The following SPSB4 variants were observed in gnomAD, a reference collection of about 807,000 sequenced individuals.
SPSB4 encodes the protein splA/ryanodine receptor domain and SOCS box containing 4, also known as SPRY domain-containing SOCS box protein 4.
Under a neutral mutation model 20.9 loss-of-function variants are expected in SPSB4, and 21 were observed. That is an observed-to-expected ratio of 1.01 (90% CI 0.71 to 1.45). The LOEUF is 1.45. SPSB4 is among the 40% of genes most tolerant of loss of function. SPSB4 has a pLI of 0.00. For synonymous variants in SPSB4, 207 were observed against 183.8 expected, an observed-to-expected ratio of 1.13 and a Z score of -1.02; for missense variants, 399 against 399.2, an observed-to-expected ratio of 1.00 and a Z score of 0.00.
intron 2 of SPSB4, among the ~76,000 whole-genome samples, chr3:141,145,390 G>T (rs1381261199): frequency 5.9e-5 from 9 of 151,954 alleles, no homozygotes; most frequent in African/African-American, 2.2e-4. Flanking sequence ...AATTTTAATG[G>T]CTCCCCTTAT....
chr3:141,135,394 G>A (rs533582418), intron 2 of SPSB4, among the ~76,000 whole-genome samples: 63 of 150,364 alleles, frequency 4.2e-4, no homozygotes, highest in Non-Finnish European at 5.2e-4. Flanking sequence ...TGTGCACAAC[G>A]TGCAGGTTTG....
chr3:141,128,331 G>C (rs1223832914), intron 2 of SPSB4, among the ~76,000 whole-genome samples: 1 of 152,184 alleles, frequency 6.6e-6, no homozygotes, highest in African/African-American at 2.4e-5. Context: ...GGGCGTGACA[G>C]GTGTGGGTGG....
chr3:141,101,037 G>A (rs1333293659), intron 2 of SPSB4, among the ~76,000 whole-genome samples: 1 of 152,190 alleles, frequency 6.6e-6, no homozygotes, highest in Non-Finnish European at 1.5e-5. Context: ...GCAGAGGGCT[G>A]GGTCCCCCTG....
At chr3:141,104,370 GTAGA>G (rs1197622273) in intron 2 of SPSB4, among the ~76,000 whole-genome samples, 2 of 152,190 alleles carry the variant, frequency 1.3e-5, no homozygotes, top group African/African-American at 4.8e-5. Flanking sequence ...AAGTTTGTGG[GTAGA>G]TTCCTTGAGG....
chr3:141,076,126 T>C (rs1938105024), intron 2 of SPSB4, among the ~76,000 whole-genome samples: 1 of 152,204 alleles, frequency 6.6e-6, no homozygotes, highest in Non-Finnish European at 1.5e-5. Context: ...TGTGTTGCCC[T>C]CTTTGTTGGA....
In SPSB4 at chr3:141,066,777, C is replaced by CCGTGTGGG. The variant is rs1937894736; in HGVS notation, c.673_674insCGTGTGGG (p.Arg225ProfsTer16). ...GTGGGGCCACTGTGAAGTCACCATG[C>CCGTGTGGG]GCTACATCAACGGCCTTGACCGTAA... On this transcript the variant is annotated frameshift_variant, in exon 2 of 3. Coordinates refer to ENST00000310546, the MANE Select transcript of SPSB4 (RefSeq NM_080862.3). LOFTEE classifies it high-confidence loss of function. 2 of 1,561,040 alleles carry CCGTGTGGG rather than the reference C, an allele frequency of 1.3e-6. No individual in the cohort carries two copies.
At chr3:141,107,862 C>T (rs569506071) in intron 2 of SPSB4, among the ~76,000 whole-genome samples, 4 of 151,780 alleles carry the variant, frequency 2.6e-5, no homozygotes, top group African/African-American at 7.3e-5. Context: ...GGCTGAGGCA[C>T]GAACATCACT....
At chr3:141,125,699 G>T (rs900490660) in intron 2 of SPSB4, among the ~76,000 whole-genome samples, 4 of 152,160 alleles carry the variant, frequency 2.6e-5, no homozygotes, top group Non-Finnish European at 4.4e-5. Flanking sequence ...CCTGCCCAGG[G>T]TTGTCTCTGC....
chr3:141,109,556 A>G (rs1446029443), intron 2 of SPSB4, among the ~76,000 whole-genome samples: 2 of 152,004 alleles, frequency 1.3e-5, no homozygotes, highest in African/African-American at 4.8e-5. Context: ...GCCATTTTTC[A>G]TAGCCATTAC....
intron 2 of SPSB4, among the ~76,000 whole-genome samples, chr3:141,107,230 C>T (rs925698810): frequency 2.0e-5 from 3 of 152,194 alleles, no homozygotes; most frequent in African/African-American, 7.2e-5. Flanking sequence ...GGAGGCAAAA[C>T]CATCAGAAAT....
At chr3:141,081,036 G>A (rs75422081) in intron 2 of SPSB4, among the ~76,000 whole-genome samples, 1,669 of 152,254 alleles carry the variant, frequency 0.011, 30 homozygotes, top group African/African-American at 0.038. Context: ...TGGATAAGAT[G>A]ACCTCAAGTG....
intron 2 of SPSB4, among the ~76,000 whole-genome samples, chr3:141,078,130 A>G (rs1205651183): frequency 6.6e-6 from 1 of 152,214 alleles, no homozygotes; most frequent in East Asian, 1.9e-4. Flanking sequence ...AGGTGCAGGC[A>G]GAGGCTCCCA....
rs1196317129 is a variant in SPSB4 at position 141,147,507 on chromosome 3, A to G, written c.*238A>G. The stretch of plus-strand genomic sequence containing the variant: ...AGTCAGACACCTCCTTCGGAGCCAC[A>G]GAGAGCCTGGAGTCTGCACCTCCTG... On this transcript the variant is annotated 3_prime_UTR_variant, in exon 3 of 3. Transcript: ENST00000310546. The G allele has an allele frequency of 7.1e-6, 4 of 564,464 alleles. No individual in the cohort carries two copies. The highest frequency in any genetic ancestry group is 1.2e-5 in the Non-Finnish European group (4 of 330,150). 35.0% of individuals were successfully genotyped at this position (564,464 alleles called of 1,614,324 possible).
chr3:141,135,638 CA>C (rs1939214986), intron 2 of SPSB4, among the ~76,000 whole-genome samples: 1 of 151,992 alleles, frequency 6.6e-6, no homozygotes, highest in African/African-American at 2.4e-5. Flanking sequence ...TGATGGTTTC[CA>C]GCTTCATCCA....
intron 1 of SPSB4, among the ~76,000 whole-genome samples, chr3:141,053,656 G>A (rs1444405920): frequency 6.6e-6 from 1 of 151,784 alleles, no homozygotes; most frequent in African/African-American, 2.4e-5. Context: ...TCATACATGC[G>A]AAATAAAATA....
At chr3:141,068,630 A>T (rs1011345430) in intron 2 of SPSB4, among the ~76,000 whole-genome samples, 3 of 152,218 alleles carry the variant, frequency 2.0e-5, no homozygotes, top group African/African-American at 7.2e-5. Context: ...AAAATGGGAT[A>T]GTATCAGGTC....
At chr3:141,131,200 A>G (rs1470322652) in intron 2 of SPSB4, among the ~76,000 whole-genome samples, 1 of 151,892 alleles carries the variant, frequency 6.6e-6, no homozygotes, top group African/African-American at 2.4e-5. Context: ...GTGGAGCCAC[A>G]TTTTTCTCCT....
chr3:141,080,873 A>G (rs985137813), intron 2 of SPSB4, among the ~76,000 whole-genome samples: 3 of 152,244 alleles, frequency 2.0e-5, no homozygotes, highest in African/African-American at 4.8e-5. Flanking sequence ...GTGGGATTAT[A>G]AAAGGCAGGA....
At chr3:141,082,517 A>G (rs1938252429) in intron 2 of SPSB4, among the ~76,000 whole-genome samples, 2 of 152,226 alleles carry the variant, frequency 1.3e-5, no homozygotes, top group Non-Finnish European at 2.9e-5. Flanking sequence ...CTGCCAGATA[A>G]ACTTTTTCTG....
Sources: gnomAD v4.1 joint callset for allele counts (sites outside exome capture counted in the v4.1 genomes callset) on GRCh38, gnomAD v4.1.1 for gene constraint, MANE v1.5 for transcripts, NCBI Gene and HGNC (gene_info 2026-07-23, HGNC 2026-07-21) for gene names.